CCSER1: variants seen among roughly 807,000 people sequenced by gnomAD.
CCSER1 encodes the protein coiled-coil serine rich protein 1.
Under a neutral mutation model 82.0 loss-of-function variants are expected in CCSER1, and 41 were observed. The observed-to-expected ratio is 0.50, with a 90% CI of 0.39 to 0.65. CCSER1 has a LOEUF of 0.65. Among genes scored for constraint, CCSER1 ranks in the 30% least tolerant of loss-of-function variants. The pLI is 0.00. For missense variants in CCSER1, 1,119 were observed against 1,064.2 expected (o/e 1.05, Z -0.72); for synonymous variants, 414 against 383.9 (o/e 1.08, Z -0.92).
At chr4:91,101,884 G>T (rs942854003) in intron 10 of CCSER1, among the ~76,000 whole-genome samples, 1 of 152,170 alleles carries the variant, frequency 6.6e-6, no homozygotes, top group Admixed American at 6.5e-5. Flanking sequence ...CGGATAAGTG[G>T]ATTTGAAGTT....
chr4:90,306,413 T>G (rs899095959), intron 1 of CCSER1, among the ~76,000 whole-genome samples: 1 of 152,186 alleles, frequency 6.6e-6, no homozygotes, highest in Non-Finnish European at 1.5e-5. Flanking sequence ...TTTCATAATA[T>G]AAAAATATCA....
chr4:90,615,709 C>T (rs1402404762), intron 5 of CCSER1, among the ~76,000 whole-genome samples: 1 of 150,388 alleles, frequency 6.6e-6, no homozygotes, highest in African/African-American at 2.4e-5. Flanking sequence ...ATAGATTCTA[C>T]TCTTAGTGAA....
At chr4:90,366,031 G>A (rs1028934913) in intron 3 of CCSER1, among the ~76,000 whole-genome samples, 2 of 151,618 alleles carry the variant, frequency 1.3e-5, no homozygotes, top group Non-Finnish European at 3.0e-5. Flanking sequence ...AAAACATGAA[G>A]CTCAATATTT....
intron 9 of CCSER1, among the ~76,000 whole-genome samples, chr4:91,064,537 T>C (rs1325611774): frequency 6.6e-6 from 1 of 152,232 alleles, no homozygotes; most frequent in Non-Finnish European, 1.5e-5. Flanking sequence ...GAGAGTCTGC[T>C]GTTGACTGAG....
At chr4:90,365,843 A>G (rs955906508) in intron 3 of CCSER1, among the ~76,000 whole-genome samples, 1 of 151,888 alleles carries the variant, frequency 6.6e-6, no homozygotes, top group Non-Finnish European at 1.5e-5. Context: ...TGTTTTTGCA[A>G]TGGGCAAAGA....
chr4:91,290,626 T>C (rs1377312817), intron 10 of CCSER1, among the ~76,000 whole-genome samples: 3 of 152,010 alleles, frequency 2.0e-5, no homozygotes, highest in Non-Finnish European at 4.4e-5. Context: ...CCCATACCTC[T>C]ATACCTCAAT....
chr4:90,705,452 C>G (rs763608417), intron 6 of CCSER1, among the ~76,000 whole-genome samples: 2 of 152,214 alleles, frequency 1.3e-5, no homozygotes, highest in Non-Finnish European at 2.9e-5. Flanking sequence ...TCTGTCCATT[C>G]TCAGATCTCA....
At chr4:90,168,861 C>G (rs535544854) in intron 1 of CCSER1, among the ~76,000 whole-genome samples, 8 of 147,916 alleles carry the variant, frequency 5.4e-5, no homozygotes, top group African/African-American at 2.0e-4. Context: ...CAGTACCATG[C>G]TATTTTGGTT....
At chr4:91,255,391 G>A (rs1046730118) in intron 10 of CCSER1, among the ~76,000 whole-genome samples, 2 of 152,098 alleles carry the variant, frequency 1.3e-5, no homozygotes, top group African/African-American at 4.8e-5. Flanking sequence ...ATTATTGAGG[G>A]AATGTCACAG....
At chr4:90,265,660 C>T (rs924497691) in intron 1 of CCSER1, among the ~76,000 whole-genome samples, 14 of 151,900 alleles carry the variant, frequency 9.2e-5, no homozygotes, top group South Asian at 2.1e-4. Context: ...CTGAATGTAA[C>T]GAAGAGGAGA....
intron 10 of CCSER1, among the ~76,000 whole-genome samples, chr4:91,147,587 T>C (rs1729674045): frequency 6.6e-6 from 1 of 152,242 alleles, no homozygotes; most frequent in Non-Finnish European, 1.5e-5. Context: ...TCTTAGGCAG[T>C]GTGCTTGAAT....
intron 10 of CCSER1, among the ~76,000 whole-genome samples, chr4:91,547,662 G>C (rs185138890): frequency 2.0e-5 from 3 of 152,040 alleles, no homozygotes; most frequent in Admixed American, 2.0e-4. Flanking sequence ...ATATTTCTAC[G>C]ATTGAATTTT....
intron 1 of CCSER1, among the ~76,000 whole-genome samples, chr4:90,160,423 A>G (rs1188903521): frequency 2.0e-5 from 3 of 152,244 alleles, no homozygotes; most frequent in Non-Finnish European, 4.4e-5. Context: ...AATAAGATTG[A>G]GCAACCATGA....
intron 9 of CCSER1, among the ~76,000 whole-genome samples, chr4:91,003,719 C>T (rs1203259061): frequency 3.3e-5 from 5 of 152,210 alleles, no homozygotes; most frequent in Non-Finnish European, 7.4e-5. Context: ...TGCACACTCC[C>T]CCAAGCTCTG....
chr4:90,460,570 T>C (rs550312906), intron 4 of CCSER1, among the ~76,000 whole-genome samples: 29 of 152,104 alleles, frequency 1.9e-4, no homozygotes, highest in Non-Finnish European at 3.8e-4. Flanking sequence ...GTTATTTTCA[T>C]CTGTTTTTCA....
intron 10 of CCSER1, among the ~76,000 whole-genome samples, chr4:91,115,859 A>ATT (rs371115368): frequency 0.011 from 1,122 of 102,158 alleles, 10 homozygotes; most frequent in East Asian, 0.018. Flanking sequence ...ATATATATAT[A>ATT]TTTTTTTTTA....
intron 5 of CCSER1, among the ~76,000 whole-genome samples, chr4:90,556,667 G>A (rs1778177086): frequency 6.6e-6 from 1 of 151,810 alleles, no homozygotes; most frequent in Non-Finnish European, 1.5e-5. Flanking sequence ...AAATAATAAG[G>A]AAGAGAAATA....
intron 10 of CCSER1, among the ~76,000 whole-genome samples, chr4:91,243,320 G>A (rs1157602275): frequency 1.3e-5 from 2 of 152,172 alleles, no homozygotes; most frequent in African/African-American, 4.8e-5. Flanking sequence ...AGATTAACTT[G>A]AAAGGCAGTC....
chr4:90,462,138 A>T (rs1055285529), intron 4 of CCSER1, among the ~76,000 whole-genome samples: 3 of 152,098 alleles, frequency 2.0e-5, no homozygotes, highest in African/African-American at 7.2e-5. Flanking sequence ...TTACTGGTTC[A>T]GTAAATATTT....
Sources: allele counts gnomAD v4.1 joint callset (sites outside exome capture counted in the v4.1 genomes callset), GRCh38; gene constraint gnomAD v4.1.1; transcripts MANE v1.5; gene names NCBI Gene and HGNC (gene_info 2026-07-23, HGNC 2026-07-21).